The following RARS1 variants were observed in gnomAD, a reference collection of about 807,000 sequenced individuals.
RARS1 encodes arginine--tRNA ligase, cytoplasmic.
Under a neutral mutation model 78.7 loss-of-function variants are expected in RARS1, and 75 were observed. The observed-to-expected ratio is 0.95, with a 90% confidence interval of 0.79 to 1.15. The LOEUF is 1.15. Among genes scored for constraint, RARS1 ranks in the 50% most tolerant of loss-of-function variants. The pLI is 0.00. For synonymous variants in RARS1, 273 were observed against 268.2 expected, an observed-to-expected ratio of 1.02 and a Z score of -0.18; for missense variants, 787 against 787.5, an observed-to-expected ratio of 1.00 and a Z score of 0.01.
chr5:168,493,663 G>T (rs1679748948), intron 3 of RARS1, among the ~76,000 whole-genome samples: 1 of 149,620 alleles, frequency 6.7e-6, no homozygotes, highest in East Asian at 2.0e-4. Flanking sequence ...AATAGTTCCA[G>T]GTATTTGTGT....
chr5:168,503,124 G>C (rs73314851), intron 9 of RARS1, among the ~76,000 whole-genome samples: 6,819 of 152,224 alleles, frequency 0.045, 449 homozygotes, highest in Admixed American at 0.18. Context: ...GGCAGTGTCT[G>C]GTTGTCTCTG....
chr5:168,503,101 A>G (rs928668734), intron 9 of RARS1, among the ~76,000 whole-genome samples: 1 of 152,208 alleles, frequency 6.6e-6, no homozygotes, highest in African/African-American at 2.4e-5. Flanking sequence ...AGTTGCAAGA[A>G]TGCAGGCAAT....
intron 1 of RARS1, 130 bp downstream of exon 1, chr5:168,486,673 G>T: frequency 1.1e-6 from 1 of 936,558 alleles, no homozygotes. Flanking sequence ...GAGCGGCACG[G>T]TCCCTGTGGG....
chr5:168,504,162 A>G (rs1758387233), intron 9 of RARS1, among the ~76,000 whole-genome samples: 1 of 151,788 alleles, frequency 6.6e-6, no homozygotes, highest in African/African-American at 2.4e-5. Context: ...TGGGAGGATC[A>G]CTTGAGTCCA....
rs936065253 is a variant in RARS1 at position 168,502,347 on chromosome 5, T to C, written c.1057+242T>C. 2.0e-5 allele frequency among the ~76,000 whole-genome samples: 3 copies of C among 146,418 alleles called. No individual in the cohort carries two copies. In the South Asian group the frequency reaches 6.5e-4, roughly 32 times the overall value. On this transcript the variant is annotated intron_variant, in intron 9 of 14. Coordinates refer to ENST00000231572, the MANE Select transcript of RARS1 (RefSeq NM_002887.4). ...TTCTTTCTGCCCTAAAACCGCAATA[T>C]CATTATAATAACAAATATATATATA... is the stretch of plus-strand genomic sequence containing the variant.
At chr5:168,512,142 C>T (rs568003742) in intron 12 of RARS1, among the ~76,000 whole-genome samples, 1 of 152,302 alleles carries the variant, frequency 6.6e-6, no homozygotes, top group South Asian at 2.1e-4. Flanking sequence ...TAAGCCACCA[C>T]ACCCAGCTGT....
chr5:168,491,079 G>A lies in RARS1; in HGVS notation c.181-1580G>A, dbSNP rs143971203. Among the ~76,000 whole-genome samples the A allele has an allele frequency of 7.9e-3, 1,203 of 152,360 alleles. 2 individuals carry two copies. The highest frequency in any genetic ancestry group is 0.028 in the South Asian group (133 of 4,830). On this transcript the variant is annotated intron_variant, in intron 2 of 14. Transcript: ENST00000231572. ...TTAAACCCAGGAGGCAGAGGTTGCA[G>A]TGAGCCAAAATCGTGCCACTGCACT...
chr5:168,492,540 T>C, intron 2 of RARS1, 119 bp from the exon 3 acceptor site: 1 of 847,296 alleles, frequency 1.2e-6, no homozygotes, highest in Non-Finnish European at 1.8e-6. Context: ...ACACCATAAG[T>C]ACGTTTTCCC....
In RARS1 at chr5:168,518,071, C is replaced by CTGTTTTTTTTTTTTTTTTT; in HGVS notation, c.1873+10_1873+11insGTTTTTTTTTTTTTTTTTT. 2.7e-6 allele frequency: 2 copies of CTGTTTTTTTTTTTTTTTTT among 747,558 alleles called. No individual in the cohort carries two copies. Among genetic ancestry groups the CTGTTTTTTTTTTTTTTTTT allele is most frequent in the Non-Finnish European group, 3.2e-6 (2 of 622,934 alleles). 46.3% of individuals were successfully genotyped at this position (747,558 alleles called of 1,614,324 possible). ...GAAAGATAGACAGACTGGTGAGTGTCTTTTTTTTTTTTTTTTTTTTTTTTA... is the reference window on the plus strand; with the variant it reads ...GAAAGATAGACAGACTGGTGAGTGTCTGTTTTTTTTTTTTTTTTTTTTTTTTTTTTTTTTTTTTTTTTTA... On this transcript the variant is annotated intron_variant, in intron 14 of 14. Coordinates refer to ENST00000231572, the MANE Select transcript of RARS1 (RefSeq NM_002887.4).
At chr5:168,492,190 A>T (rs1758101302) in intron 2 of RARS1, among the ~76,000 whole-genome samples, 1 of 152,186 alleles carries the variant, frequency 6.6e-6, no homozygotes, top group Non-Finnish European at 1.5e-5. Flanking sequence ...AAACAAAACT[A>T]CTGGCTTTTC....
chr5:168,517,530 C>A (rs1758695534), intron 13 of RARS1, among the ~76,000 whole-genome samples: 2 of 152,106 alleles, frequency 1.3e-5, no homozygotes, highest in South Asian at 4.1e-4. Context: ...TCCCAGAATC[C>A]CTAAACCTGG....
intron 4 of RARS1, 173 bp downstream of exon 4, chr5:168,494,175 C>T: frequency 1.1e-6 from 1 of 903,600 alleles, no homozygotes; most frequent in Non-Finnish European, 1.3e-6. Context: ...ACTCAGCTAC[C>T]ACTTTTAGCT....
chr5:168,506,110 A>C lies in RARS1; in HGVS notation c.1147A>C (p.Thr383Pro). Residue 383 changes from threonine (T) to proline (P), a missense_variant, in exon 10 of 15, where the codon ACC (threonine) becomes CCC (proline). Coordinates refer to ENST00000231572, the MANE Select transcript of RARS1 (RefSeq NM_002887.4). Reference protein sequence around the residue: ...LTIVKSDGGYTYDTSDLAAIK... With the variant: ...LTIVKSDGGYPYDTSDLAAIK... ...CATAGTAAAATCAGATGGAGGTTATACCTATGATACATCTGACCTGGCTGC... is the reference window on the plus strand; with the variant it reads ...CATAGTAAAATCAGATGGAGGTTATCCCTATGATACATCTGACCTGGCTGC... The C allele has an allele frequency of 6.2e-7, 1 of 1,602,802 alleles. No individual in the cohort carries two copies. The highest frequency in any genetic ancestry group is 1.3e-5 in the African/African-American group (1 of 74,600).
rs559735285 is a variant in RARS1 at position 168,487,159 on chromosome 5, G to C, written c.45+616G>C. On this transcript the variant is annotated intron_variant, in intron 1 of 14. Transcript: ENST00000231572. ...GGGCGGATCACGATGTCAGGAGATC[G>C]AGACCATCCTGGCTAACACAGTGAA... 2.0e-3 allele frequency among the ~76,000 whole-genome samples: 308 copies of C among 152,206 alleles called. 3 individuals are homozygous for C. The highest frequency in any genetic ancestry group is 1.2e-3 in the Non-Finnish European group (83 of 68,014).
intron 9 of RARS1, among the ~76,000 whole-genome samples, chr5:168,504,352 C>T (rs538784920): frequency 2.0e-5 from 3 of 151,816 alleles, no homozygotes; most frequent in Non-Finnish European, 4.4e-5. Flanking sequence ...GGTGAAACCC[C>T]GTGTCTACTA....
At chr5:168,494,430 T>C in intron 4 of RARS1, 120 bp from the exon 5 acceptor site, 2 of 1,501,688 alleles carry the variant, frequency 1.3e-6, no homozygotes, top group Non-Finnish European at 1.8e-6. Flanking sequence ...AGGCCACAAC[T>C]GGTATTGGAA....
intron 9 of RARS1, among the ~76,000 whole-genome samples, chr5:168,502,384 A>ATAT (rs1280220276): frequency 0.025 from 3,176 of 127,126 alleles, 125 homozygotes; most frequent in African/African-American, 0.081. Flanking sequence ...ATATATATAT[A>ATAT]TTTTTTTTTT....
rs1439554959 is a variant in RARS1 at position 168,493,829 on chromosome 5, G to A, written c.370-65G>A. On this transcript the variant is annotated intron_variant, in intron 3 of 14. Transcript: ENST00000231572. ...TAAAATGCATCTCGTGCCTTGTCAGGTGTGCATTTGCGAGTAACTTGCTGA... is the reference window on the plus strand; with the variant it reads ...TAAAATGCATCTCGTGCCTTGTCAGATGTGCATTTGCGAGTAACTTGCTGA... 3.2e-6 allele frequency: 4 copies of A among 1,261,558 alleles called. No homozygotes were observed. In the East Asian group the frequency reaches 9.3e-5, roughly 29 times the overall value. The allele number at this position is 1,261,558 out of a possible 1,614,324, so 78.1% of individuals were successfully genotyped here. A position where few individuals can be genotyped will look rare whatever the true frequency, so the allele number is the denominator to read the frequency against.
chr5:168,516,770 T>C lies in RARS1; in HGVS notation c.1453-8T>C, dbSNP rs985558830. 1 of 1,613,720 alleles carries C rather than the reference T, an allele frequency of 6.2e-7. No homozygotes were observed. Among genetic ancestry groups the C allele is most frequent in the Non-Finnish European group, 8.5e-7 (1 of 1,179,794 alleles). ...AAGCTATGAAATACTGTTTTGTTTT[T>C]CCCAAAGGTCTTAACTGCAGAGGAA... On this transcript the variant is annotated splice_region_variant and splice_polypyrimidine_tract_variant and intron_variant, in intron 12 of 14. Coordinates refer to ENST00000231572, the MANE Select transcript of RARS1 (RefSeq NM_002887.4).
Sources: gnomAD v4.1 joint callset for allele counts (sites outside exome capture counted in the v4.1 genomes callset) on GRCh38, gnomAD v4.1.1 for gene constraint, MANE v1.5 for transcripts, NCBI Gene and HGNC (gene_info 2026-07-23, HGNC 2026-07-21) for gene names.